Variants in BMP6 observed in about 807,000 individuals in gnomAD.
BMP6 encodes the protein VG-1-R.
A neutral mutation model predicts 54.1 loss-of-function variants in BMP6; 17 were observed. The ratio of observed to expected loss-of-function variants is 0.31; its 90% CI spans 0.22 to 0.47. The LOEUF (loss-of-function observed/expected upper bound fraction) is 0.47. Among genes scored for constraint, BMP6 ranks in the 20% least tolerant of loss-of-function variants. BMP6 has a pLI of 1.00. For synonymous variants in BMP6, 328 were observed against 291.2 expected (o/e 1.13, Z -1.28); for missense variants, 720 against 690.4 (o/e 1.04, Z -0.48).
At chr6:7,752,762 G>A (rs1321194741) in intron 1 of BMP6, among the ~76,000 whole-genome samples, 2 of 152,044 alleles carry the variant, frequency 1.3e-5, no homozygotes, top group Non-Finnish European at 2.9e-5. Context: ...CTATTTTTAT[G>A]GTTCTGAATA....
At chr6:7,852,022 C>G (rs1219619230) in intron 2 of BMP6, among the ~76,000 whole-genome samples, 6 of 152,064 alleles carry the variant, frequency 3.9e-5, no homozygotes, top group Non-Finnish European at 7.4e-5. Flanking sequence ...CCTGTTTGTT[C>G]CCTTGATTTT....
intron 1 of BMP6, among the ~76,000 whole-genome samples, chr6:7,745,017 T>G (rs1310998490): frequency 6.6e-6 from 1 of 152,250 alleles, no homozygotes; most frequent in African/African-American, 2.4e-5. Flanking sequence ...TGTTATTTTT[T>G]AAAAATCATT....
intron 5 of BMP6, 28 bp downstream of exon 5, chr6:7,879,178 G>A (rs1253154078): frequency 1.9e-6 from 3 of 1,591,480 alleles, no homozygotes; most frequent in South Asian, 1.1e-5. Context: ...GGGGGATAAA[G>A]GTCCTTTCTC....
At chr6:7,879,236 G>C in intron 5 of BMP6, 86 bp downstream of exon 5, 1 of 1,370,510 alleles carries the variant, frequency 7.3e-7, no homozygotes, top group Non-Finnish European at 1.0e-6. Flanking sequence ...CAAACACCCA[G>C]AGCTTGATTG....
chr6:7,753,771 A>G (rs532934027), intron 1 of BMP6, among the ~76,000 whole-genome samples: 14 of 152,108 alleles, frequency 9.2e-5, no homozygotes, highest in South Asian at 2.1e-4. Context: ...TCTAACATCA[A>G]TTTTTTTTGA....
chr6:7,748,886 G>A (rs1322859673), intron 1 of BMP6, among the ~76,000 whole-genome samples: 4 of 152,180 alleles, frequency 2.6e-5, no homozygotes, highest in Admixed American at 2.0e-4. Context: ...GCTATGTTAT[G>A]ATGATGTCCT....
chr6:7,764,802 G>A (rs941424443), intron 1 of BMP6, among the ~76,000 whole-genome samples: 5 of 152,128 alleles, frequency 3.3e-5, no homozygotes, highest in Admixed American at 2.6e-4. Flanking sequence ...TTTTATTACC[G>A]GAAGTGCAGG....
intron 1 of BMP6, among the ~76,000 whole-genome samples, chr6:7,737,350 A>G (rs1457646745): frequency 6.6e-6 from 1 of 152,144 alleles, no homozygotes; most frequent in African/African-American, 2.4e-5. Context: ...GGCAGGACTA[A>G]GGTGTATGAA....
At chr6:7,732,854 T>C (rs1397549311) in intron 1 of BMP6, among the ~76,000 whole-genome samples, 1 of 152,176 alleles carries the variant, frequency 6.6e-6, no homozygotes, top group Non-Finnish European at 1.5e-5. Context: ...ATCCTTCACT[T>C]TCTGCTTCCC....
chr6:7,786,050 C>A (rs1758014960), intron 1 of BMP6, among the ~76,000 whole-genome samples: 1 of 152,222 alleles, frequency 6.6e-6, no homozygotes, highest in South Asian at 2.1e-4. Flanking sequence ...CTTGAAAATG[C>A]AGGAGGCAGA....
intron 1 of BMP6, among the ~76,000 whole-genome samples, chr6:7,769,372 G>C (rs146956971): frequency 3.3e-5 from 5 of 152,182 alleles, no homozygotes; most frequent in African/African-American, 4.8e-5. Flanking sequence ...GGATGCCTGG[G>C]GGGGTGGGAG....
chr6:7,736,235 T>A (rs1204552761), intron 1 of BMP6, among the ~76,000 whole-genome samples: 2 of 152,214 alleles, frequency 1.3e-5, no homozygotes, highest in Non-Finnish European at 2.9e-5. Context: ...GGCAGAGATA[T>A]GAGTGATTAA....
intron 1 of BMP6, among the ~76,000 whole-genome samples, chr6:7,773,527 CAT>C (rs1757820195): frequency 6.6e-6 from 1 of 152,174 alleles, no homozygotes; most frequent in Admixed American, 6.5e-5. Context: ...CATGCATAAA[CAT>C]AGGCTCAGAA....
intron 1 of BMP6, among the ~76,000 whole-genome samples, chr6:7,823,966 T>C (rs1561783409): frequency 6.6e-6 from 1 of 152,178 alleles, no homozygotes; most frequent in Non-Finnish European, 1.5e-5. Context: ...GTTTATATTT[T>C]AAAAGGATCC....
intron 1 of BMP6, among the ~76,000 whole-genome samples, chr6:7,815,758 G>A (rs1758515886): frequency 6.6e-6 from 1 of 152,204 alleles, no homozygotes; most frequent in African/African-American, 2.4e-5. Flanking sequence ...GGAAGAAAAT[G>A]GCTTAATTCA....
chr6:7,852,938 C>CTT (rs143182669), intron 2 of BMP6, among the ~76,000 whole-genome samples: 1 of 152,096 alleles, frequency 6.6e-6, no homozygotes, highest in African/African-American at 2.4e-5. Context: ...ATGCAGCCCC[C>CTT]TTTTTTTCTG....
chr6:7,859,360 TG>T (rs1174846582), intron 2 of BMP6, among the ~76,000 whole-genome samples: 2 of 152,106 alleles, frequency 1.3e-5, no homozygotes, highest in Admixed American at 1.3e-4. Flanking sequence ...GTCTTTAAAA[TG>T]TAGGTGCCTA....
intron 1 of BMP6, among the ~76,000 whole-genome samples, chr6:7,766,798 T>C (rs1013826404): frequency 3.3e-5 from 5 of 152,168 alleles, no homozygotes; most frequent in Non-Finnish European, 7.4e-5. Context: ...TGAAGACATT[T>C]TAGCTATCAT....
chr6:7,784,510 T>C (rs989320622), intron 1 of BMP6, among the ~76,000 whole-genome samples: 3 of 152,194 alleles, frequency 2.0e-5, no homozygotes, highest in African/African-American at 7.2e-5. Context: ...TCACAAGTGT[T>C]ATTGCAAAAT....
Sources: allele counts gnomAD v4.1 joint callset (sites outside exome capture counted in the v4.1 genomes callset), GRCh38; gene constraint gnomAD v4.1.1; transcripts MANE v1.5; gene names NCBI Gene and HGNC (gene_info 2026-07-23, HGNC 2026-07-21).